The following USH2A variants were observed in gnomAD, a reference collection of about 807,000 sequenced individuals.
USH2A encodes Usher syndrome 2A (autosomal recessive, mild).
A neutral mutation model predicts 538.9 loss-of-function variants in USH2A; 443 were observed. That is an observed-to-expected ratio of 0.82 (90% CI 0.76 to 0.89). The LOEUF (loss-of-function observed/expected upper bound fraction) is 0.89. Among genes scored for constraint, USH2A ranks in the 40% least tolerant of loss-of-function variants. The probability of loss-of-function intolerance (pLI) is 0.00; values close to 1 mark genes in which losing one functional copy is unlikely to be tolerated. For synonymous variants in USH2A, 2,413 were observed against 2,273.5 expected, an observed-to-expected ratio of 1.06 and a Z score of -1.75; for missense variants, 6,633 against 6,324.8, an observed-to-expected ratio of 1.05 and a Z score of -1.65.
chr1:216,103,747 T>C, intron 21 of USH2A, among the ~76,000 whole-genome samples: 1 of 152,160 alleles, frequency 6.6e-6, no homozygotes, highest in Non-Finnish European at 1.5e-5. Context: ...GCAAAACGTC[T>C]AAACAATCAC....
At chr1:216,194,620 A>G (rs1251624384) in intron 19 of USH2A, among the ~76,000 whole-genome samples, 1 of 152,176 alleles carries the variant, frequency 6.6e-6, no homozygotes, top group Non-Finnish European at 1.5e-5. Flanking sequence ...GGAATCTACC[A>G]TATCAGTGAA....
rs138326802 is a variant in USH2A, at chr1:215,741,489, G to A, written c.11597C>T (p.Ala3866Val). Reference sequence around the variant, plus strand: ...AACAGGAGAATTAAGATCCATTGGGGCTGCTTCAGGTGTTTTGACAAACAT... The same window carrying A: ...AACAGGAGAATTAAGATCCATTGGGACTGCTTCAGGTGTTTTGACAAACAT... ...SRMFVKTPEA[A>V]PMDLNSPVLK... The change falls in exon 60 of 72, where the codon GCC becomes GTC. Residue 3866 changes from alanine to valine, a missense_variant. Transcript: ENST00000307340. The A allele has an allele frequency of 3.0e-4, 483 of 1,613,458 alleles. No homozygotes were observed. Among genetic ancestry groups the A allele is most frequent in the Admixed American group, 5.2e-4 (31 of 59,948 alleles).
At chr1:215,754,956 C>G (rs569710964) in intron 58 of USH2A, among the ~76,000 whole-genome samples, 1 of 152,244 alleles carries the variant, frequency 6.6e-6, no homozygotes, top group East Asian at 1.9e-4. Context: ...ATTGCTGTCA[C>G]GTGGCTGTTT....
chr1:215,781,699 ACTTT>A (rs769087952), intron 54 of USH2A, among the ~76,000 whole-genome samples: 6 of 152,152 alleles, frequency 3.9e-5, no homozygotes, highest in African/African-American at 9.7e-5. Flanking sequence ...TTAAATAGAA[ACTTT>A]CTTTAACTGA....
chr1:215,896,187 G>T (rs1402818897), intron 40 of USH2A, among the ~76,000 whole-genome samples: 1 of 152,114 alleles, frequency 6.6e-6, no homozygotes, highest in East Asian at 1.9e-4. Flanking sequence ...GTGCCTCTTA[G>T]ACTAGTGGTT....
chr1:216,340,195 C>T (rs1019747262), intron 4 of USH2A, among the ~76,000 whole-genome samples: 1 of 152,058 alleles, frequency 6.6e-6, no homozygotes, highest in Non-Finnish European at 1.5e-5. Flanking sequence ...AAACTACCAT[C>T]AGAGAATAGT....
At chr1:215,804,657 G>T (rs1662441470) in intron 49 of USH2A, among the ~76,000 whole-genome samples, 1 of 150,426 alleles carries the variant, frequency 6.6e-6, no homozygotes, top group Non-Finnish European at 1.5e-5. Context: ...AGGATGTGGA[G>T]AAATAGGAAC....
At chr1:216,184,088 C>G (rs2034545433) in intron 20 of USH2A, among the ~76,000 whole-genome samples, 1 of 151,996 alleles carries the variant, frequency 6.6e-6, no homozygotes, top group African/African-American at 2.4e-5. Flanking sequence ...ACAAGTTTTG[C>G]ACAGATACTG....
chr1:216,005,180 G>A (rs1383033866), intron 32 of USH2A, among the ~76,000 whole-genome samples: 1 of 152,014 alleles, frequency 6.6e-6, no homozygotes, highest in Non-Finnish European at 1.5e-5. Context: ...CTGGGCCTTT[G>A]CAGGTGCTGC....
intron 63 of USH2A, among the ~76,000 whole-genome samples, chr1:215,671,573 C>G (rs1657819730): frequency 6.6e-6 from 1 of 152,010 alleles, no homozygotes; most frequent in African/African-American, 2.4e-5. Flanking sequence ...AATCAAAATC[C>G]CCCTGGCTTT....
intron 21 of USH2A, among the ~76,000 whole-genome samples, chr1:216,159,327 A>G (rs947326857): frequency 6.6e-6 from 1 of 152,114 alleles, no homozygotes; most frequent in African/African-American, 2.4e-5. Context: ...TACAAAAACA[A>G]TTTATTAGGA....
chr1:216,199,668 G>T lies in USH2A; in HGVS notation c.3770C>A (p.Thr1257Lys). The T allele has an allele frequency of 1.9e-6, 3 of 1,614,090 alleles. No individual in the cohort carries two copies. Among genetic ancestry groups the T allele is most frequent in the South Asian group, 1.1e-5 (1 of 91,076 alleles). Residue 1257 changes from threonine (T) to lysine (K), a missense_variant, in exon 17 of 72, where the codon ACA becomes AAA. Physicochemically the swap from Thr to Lys is moderately conservative, Grantham distance 78 (BLOSUM62 -1). Coordinates refer to ENST00000307340, the MANE Select transcript of USH2A (RefSeq NM_206933.4). ...TGGAGACCATTCTACATGAAGTTCT[G>T]TAGAACTGATTTTCTGCATCTTAGG... ...SPPKMQKISSTELHVEWSPPA... is the reference protein window; with the variant it reads ...SPPKMQKISSKELHVEWSPPA...
At chr1:216,342,557 A>G (rs1262170844) in intron 4 of USH2A, among the ~76,000 whole-genome samples, 1 of 152,166 alleles carries the variant, frequency 6.6e-6, no homozygotes, top group African/African-American at 2.4e-5. Flanking sequence ...CTGCAGCACT[A>G]TTTACAATAG....
intron 61 of USH2A, among the ~76,000 whole-genome samples, chr1:215,695,707 C>G (rs538079531): frequency 2.0e-5 from 3 of 152,192 alleles, no homozygotes; most frequent in Admixed American, 6.6e-5. Flanking sequence ...ATGTCCTACA[C>G]AGGCAAACGT....
chr1:216,081,774 A>G (rs1571945046), intron 26 of USH2A, among the ~76,000 whole-genome samples: 1 of 151,452 alleles, frequency 6.6e-6, no homozygotes, highest in Non-Finnish European at 1.5e-5. Context: ...TTTTATTTTC[A>G]TAGAAAAAGG....
intron 8 of USH2A, 49 bp from the exon 9 acceptor site, chr1:216,322,025 G>T: frequency 6.4e-7 from 1 of 1,564,576 alleles, no homozygotes; most frequent in Non-Finnish European, 8.8e-7. Flanking sequence ...ACTCAACTGT[G>T]AATATATTTA....
intron 30 of USH2A, among the ~76,000 whole-genome samples, chr1:216,068,577 GCAGA>G (rs758005671): frequency 4.6e-5 from 7 of 152,128 alleles, no homozygotes; most frequent in Non-Finnish European, 1.0e-4. Flanking sequence ...CTCTACTGCA[GCAGA>G]CAGAGGCGTT....
intron 21 of USH2A, among the ~76,000 whole-genome samples, chr1:216,114,112 CTTG>C (rs1025466500): frequency 4.0e-4 from 60 of 151,764 alleles, no homozygotes; most frequent in African/African-American, 1.4e-3. Flanking sequence ...CTGCACATTT[CTTG>C]TTAAGCTATA....
At position 215,998,937 on chromosome 1, in the gene USH2A, G is replaced by A. The variant is rs868608741; in HGVS notation, c.6607C>T (p.His2203Tyr). ...IYNSTELFQD[H>Y]MLQYVLPGNK... ...CCAGGTAAAACGTATTGTAGCATAT[G>A]ATCCTGGAAAAGTTCTGTACTGTTA... The change falls in exon 34 of 72, where the codon CAT becomes TAT. Residue 2203 changes from histidine to tyrosine, a missense_variant. Physicochemically the swap from His to Tyr is moderately conservative, Grantham distance 83. Coordinates refer to ENST00000307340, the MANE Select transcript of USH2A (RefSeq NM_206933.4). The A allele has an allele frequency of 6.2e-7, 1 of 1,613,340 alleles. No homozygotes were observed.
Sources: gnomAD v4.1 joint callset for allele counts (sites outside exome capture counted in the v4.1 genomes callset) on GRCh38, gnomAD v4.1.1 for gene constraint, MANE v1.5 for transcripts, NCBI Gene and HGNC (gene_info 2026-07-23, HGNC 2026-07-21) for gene names.